KANK1: variants seen among roughly 807,000 people sequenced by gnomAD.
KANK1 encodes KN motif and ankyrin repeat domain-containing protein 1.
KANK1 carries 109 observed loss-of-function variants against 106.2 expected under a neutral mutation model. The ratio of observed to expected loss-of-function variants is 1.03; its 90% confidence interval spans 0.88 to 1.20. The LOEUF (loss-of-function observed/expected upper bound fraction) is 1.20, where lower values mean the gene tolerates loss of function less well. Among genes scored for constraint, KANK1 ranks in the 50% most tolerant of loss-of-function variants. KANK1 has a pLI of 0.00. For missense variants in KANK1, 2,399 were observed against 1,710.7 expected, an observed-to-expected ratio of 1.40 and a Z score of -7.10; for synonymous variants, 873 against 652.2, an observed-to-expected ratio of 1.34 and a Z score of -5.16.
At chr9:692,983 CAG>C (rs1350243189) in intron 2 of KANK1, among the ~76,000 whole-genome samples, 1 of 151,872 alleles carries the variant, frequency 6.6e-6, no homozygotes, top group East Asian at 1.9e-4. Flanking sequence ...GCCTAAGTGA[CAG>C]AGTGATACAC....
chr9:482,178 C>T lies in KANK1; in HGVS notation c.-362+8905C>T, dbSNP rs1275087194. Among the ~76,000 whole-genome samples, 4 of 152,156 alleles carry T rather than the reference C, an allele frequency of 2.6e-5. No individual in the cohort carries two copies. In the East Asian group the frequency reaches 5.8e-4, roughly 22 times the overall value. On this transcript the variant is annotated intron_variant, in intron 3 of 15. Transcript: ENST00000382303. The stretch of plus-strand genomic sequence containing the variant: ...CGCCTGGTACATATCCCAGCCTCAC[C>T]GCCTGTTTGCAGACTTGTCAACACA...
At position 711,163 on chromosome 9, in the gene KANK1, A is replaced by C; in HGVS notation, c.397A>C (p.Thr133Pro). 6.2e-7 allele frequency: 1 copy of C among 1,614,040 alleles called. No individual in the cohort carries two copies. The highest frequency in any genetic ancestry group is 8.5e-7 in the Non-Finnish European group (1 of 1,180,014). The change falls in exon 3 of 12, where the codon ACC (threonine) becomes CCC (proline). Residue 133 changes from threonine (T) to proline (P), a missense_variant. Thr to Pro is a conservative substitution (Grantham distance 38, BLOSUM62 -1). Coordinates refer to ENST00000382297, the MANE Select transcript of KANK1 (RefSeq NM_015158.5). ...PPLETSLPFLTIPENRQLPPP... is the reference protein window; with the variant it reads ...PPLETSLPFLPIPENRQLPPP... ...TCTGGAGACCTCACTCCCTTTTCTT[A>C]CCATCCCAGAAAATCGACAGCTGCC... is the stretch of plus-strand genomic sequence containing the variant.
rs971505593 is a variant in KANK1 at position 606,465 on chromosome 9, A to G, written c.-83-70425A>G. Among the ~76,000 whole-genome samples, 26 of 147,808 alleles carry G rather than the reference A, an allele frequency of 1.8e-4. 1 individual carries two copies. The highest frequency in any genetic ancestry group is 3.4e-4 in the Non-Finnish European group (23 of 67,934). Reference sequence around the variant, plus strand: ...CAGCTACTCAGGAGGTTGAGACAGGAGAATCACTTGAACCCAGGAGGTGGA... The same window carrying G: ...CAGCTACTCAGGAGGTTGAGACAGGGGAATCACTTGAACCCAGGAGGTGGA... On this transcript the variant is annotated intron_variant, in intron 1 of 11. Coordinates refer to ENST00000382297, the MANE Select transcript of KANK1 (RefSeq NM_015158.5).
chr9:703,239 A>T (rs537735043), intron 2 of KANK1, among the ~76,000 whole-genome samples: 45 of 151,788 alleles, frequency 3.0e-4, no homozygotes, highest in African/African-American at 8.7e-4. Flanking sequence ...TGAACTGCCC[A>T]CCCTGGCCTC....
chr9:706,752 C>G (rs1157355366), intron 2 of KANK1: 2 of 984,872 alleles, frequency 2.0e-6, no homozygotes, highest in South Asian at 4.7e-5. Context: ...AGGCAGTGCT[C>G]TGGAACCAGT....
intron 1 of KANK1, among the ~76,000 whole-genome samples, chr9:630,499 T>C (rs893238464): frequency 2.0e-5 from 3 of 151,580 alleles, no homozygotes; most frequent in Non-Finnish European, 4.4e-5. Context: ...TGCAGTGAGC[T>C]GAGATCCCGC....
intron 1 of KANK1, among the ~76,000 whole-genome samples, chr9:620,481 C>A (rs1442427039): frequency 6.6e-6 from 1 of 152,008 alleles, no homozygotes; most frequent in Non-Finnish European, 1.5e-5. Flanking sequence ...CGGCTCACGG[C>A]AACCTACACC....
At chr9:532,364 CTT>C (rs1187078952) in intron 1 of KANK1, among the ~76,000 whole-genome samples, 2,515 of 81,768 alleles carry the variant, frequency 0.031, 94 homozygotes, top group African/African-American at 0.12. Context: ...GCCTCAAGCA[CTT>C]TTTTTTTTTT....
rs555542551 is a variant in KANK1 at position 557,003 on chromosome 9, A to G, written c.-84+52249A>G. On this transcript the variant is annotated intron_variant, in intron 1 of 11. Coordinates refer to ENST00000382297, the MANE Select transcript of KANK1 (RefSeq NM_015158.5). The stretch of plus-strand genomic sequence containing the variant: ...ATTGTTAATTTTGTTAGGTTTGTTA[A>G]TGGCATGGTAGTTACTCTAAAAACA... Among the ~76,000 whole-genome samples, 130 of 152,236 alleles carry G rather than the reference A, an allele frequency of 8.5e-4. No homozygotes were observed. The Middle Eastern group carries it at 0.014, about 16-fold the overall frequency.
At chr9:706,442 T>C (rs183450699) in intron 2 of KANK1, among the ~76,000 whole-genome samples, 62 of 152,314 alleles carry the variant, frequency 4.1e-4, no homozygotes, top group Non-Finnish European at 1.8e-4. Flanking sequence ...TCATCTTTCC[T>C]ACTGAAAATC....
intron 1 of KANK1, among the ~76,000 whole-genome samples, chr9:616,119 G>A (rs532421706): frequency 1.3e-5 from 2 of 152,276 alleles, no homozygotes; most frequent in African/African-American, 2.4e-5. Context: ...ATAAAGAAAT[G>A]TTTAATGCTG....
intron 1 of KANK1, among the ~76,000 whole-genome samples, chr9:645,022 G>A (rs1158955083): frequency 6.7e-6 from 1 of 148,290 alleles, no homozygotes; most frequent in Non-Finnish European, 1.5e-5. Flanking sequence ...TACTCTGGAG[G>A]CTCAGGCAGG....
At position 524,589 on chromosome 9, in the gene KANK1, C is replaced by G. The variant is rs1444753942; in HGVS notation, c.-84+19835C>G. 1.3e-5 allele frequency among the ~76,000 whole-genome samples: 2 copies of G among 151,668 alleles called. 1 individual carries two copies. Among genetic ancestry groups the G allele is most frequent in the African/African-American group, 4.9e-5 (2 of 40,992 alleles). ...CTGAAGTGCAGTGCTGCGATCTCAG[C>G]TCACTGCAACCTCCGCCTCCCAGGT... On this transcript the variant is annotated intron_variant, in intron 1 of 11. Transcript: ENST00000382297.
intron 2 of KANK1, chr9:684,084 T>C (rs1305715815): frequency 1.2e-6 from 1 of 852,294 alleles, no homozygotes; most frequent in East Asian, 1.3e-4. Flanking sequence ...GGAGAGGTTT[T>C]GAAAAGCCCC....
intron 1 of KANK1, among the ~76,000 whole-genome samples, chr9:547,076 C>G (rs905950482): frequency 2.6e-5 from 4 of 152,128 alleles, no homozygotes; most frequent in Admixed American, 1.3e-4. Flanking sequence ...GGGGCTGATG[C>G]GGAGGAGGAG....
intron 1 of KANK1, among the ~76,000 whole-genome samples, chr9:647,216 CTTTA>C (rs1839864986): frequency 6.6e-6 from 1 of 150,660 alleles, no homozygotes; most frequent in South Asian, 2.1e-4. Context: ...TTTTGGATTA[CTTTA>C]TTTACTTGAT....
intron 2 of KANK1, among the ~76,000 whole-genome samples, chr9:690,940 C>A (rs1018577170): frequency 2.6e-5 from 4 of 152,198 alleles, no homozygotes; most frequent in Non-Finnish European, 5.9e-5. Context: ...GAGGCCAAGC[C>A]TTGAGTATAT....
intron 1 of KANK1, among the ~76,000 whole-genome samples, chr9:657,372 CT>C: frequency 6.6e-6 from 1 of 150,576 alleles, no homozygotes; most frequent in African/African-American, 2.4e-5. Context: ...GTTTTTAGTT[CT>C]TTTGGGCATA....
intron 1 of KANK1, among the ~76,000 whole-genome samples, chr9:570,497 G>A (rs562414993): frequency 6.6e-6 from 1 of 152,238 alleles, no homozygotes; most frequent in Non-Finnish European, 1.5e-5. Context: ...TGTCTCTGAG[G>A]TACTCTTACC....
Sources: allele counts gnomAD v4.1 joint callset (sites outside exome capture counted in the v4.1 genomes callset), GRCh38; gene constraint gnomAD v4.1.1; transcripts MANE v1.5; gene names NCBI Gene and HGNC (gene_info 2026-07-23, HGNC 2026-07-21).